Variants in MIPOL1 observed in about 807,000 individuals in gnomAD.
MIPOL1 encodes mirror-image polydactyly 1.
A neutral mutation model predicts 60.9 loss-of-function variants in MIPOL1; 57 were observed. The ratio of observed to expected loss-of-function variants is 0.94; its 90% CI spans 0.76 to 1.17. MIPOL1 has a LOEUF of 1.17. Ranked by LOEUF, MIPOL1 falls within the 50% of genes most tolerant of loss-of-function variation. The pLI is 0.00. For missense variants in MIPOL1, 551 were observed against 511.6 expected, an observed-to-expected ratio of 1.08 and a Z score of -0.74; for synonymous variants, 179 against 168.8, an observed-to-expected ratio of 1.06 and a Z score of -0.47.
At chr14:37,489,936 C>A (rs1223702531) in intron 11 of MIPOL1, among the ~76,000 whole-genome samples, 6 of 152,176 alleles carry the variant, frequency 3.9e-5, no homozygotes, top group African/African-American at 1.2e-4. Flanking sequence ...GGTCAGGGAC[C>A]TACTTGAGGA....
At chr14:37,254,121 T>A (rs1364229900) in intron 3 of MIPOL1, among the ~76,000 whole-genome samples, 1 of 151,776 alleles carries the variant, frequency 6.6e-6, no homozygotes, top group Non-Finnish European at 1.5e-5. Flanking sequence ...CAGCAAGGAT[T>A]GATTCATTTC....
intron 12 of MIPOL1, chr14:37,507,289 T>C (rs1158177045): frequency 6.6e-6 from 1 of 152,194 alleles, no homozygotes; most frequent in Non-Finnish European, 1.5e-5. Flanking sequence ...CATTTTATGA[T>C]AAAGATACAT....
intron 12 of MIPOL1, among the ~76,000 whole-genome samples, chr14:37,543,231 G>A (rs879415334): frequency 2.2e-4 from 34 of 151,900 alleles, no homozygotes; most frequent in Admixed American, 1.8e-3. Flanking sequence ...CTCTAATTCA[G>A]GCCTTCAGCT....
intron 11 of MIPOL1, among the ~76,000 whole-genome samples, chr14:37,431,872 A>G (rs893333771): frequency 2.0e-5 from 3 of 151,924 alleles, no homozygotes; most frequent in Non-Finnish European, 4.4e-5. Flanking sequence ...GGCGTGAGCC[A>G]CTACGCCCGG....
intron 7 of MIPOL1, among the ~76,000 whole-genome samples, chr14:37,307,515 C>A (rs1201538480): frequency 2.0e-5 from 3 of 151,802 alleles, no homozygotes; most frequent in Non-Finnish European, 2.9e-5. Context: ...AAGAAAATAA[C>A]AGTCATCTAA....
intron 12 of MIPOL1, among the ~76,000 whole-genome samples, chr14:37,535,887 C>A (rs1477008842): frequency 1.3e-5 from 2 of 151,884 alleles, no homozygotes; most frequent in African/African-American, 4.8e-5. Context: ...ATTTCTTTTT[C>A]CTTTCCTTTA....
At chr14:37,406,317 C>T (rs2093586627) in intron 10 of MIPOL1, among the ~76,000 whole-genome samples, 1 of 152,006 alleles carries the variant, frequency 6.6e-6, no homozygotes, top group Admixed American at 6.6e-5. Flanking sequence ...TTTTTGCTGG[C>T]AAGACAAGTT....
chr14:37,444,890 A>G (rs1173448166), intron 11 of MIPOL1, among the ~76,000 whole-genome samples: 1 of 152,214 alleles, frequency 6.6e-6, no homozygotes, highest in Non-Finnish European at 1.5e-5. Context: ...TCATGCTAAA[A>G]ACTCTCAATA....
intron 10 of MIPOL1, among the ~76,000 whole-genome samples, chr14:37,383,920 A>T (rs977148052): frequency 6.6e-6 from 1 of 151,886 alleles, no homozygotes; most frequent in Non-Finnish European, 1.5e-5. Flanking sequence ...GATATTTAAC[A>T]TACAAATGAA....
chr14:37,411,026 A>G (rs2093673194), intron 10 of MIPOL1, among the ~76,000 whole-genome samples: 1 of 152,212 alleles, frequency 6.6e-6, no homozygotes, highest in Non-Finnish European at 1.5e-5. Context: ...ATTTAAAAAC[A>G]AAGATTGTTT....
chr14:37,310,739 T>G (rs1281600600), intron 9 of MIPOL1, among the ~76,000 whole-genome samples: 1 of 152,144 alleles, frequency 6.6e-6, no homozygotes, highest in African/African-American at 2.4e-5. Flanking sequence ...CACCCCTGTA[T>G]TTTGGATGAG....
chr14:37,340,062 A>C (rs2090453837), intron 9 of MIPOL1, among the ~76,000 whole-genome samples: 1 of 152,130 alleles, frequency 6.6e-6, no homozygotes, highest in African/African-American at 2.4e-5. Flanking sequence ...TCCCTGTTTA[A>C]TACATTTTTT....
chr14:37,232,296 G>T (rs1200466049), intron 1 of MIPOL1, among the ~76,000 whole-genome samples: 1 of 151,908 alleles, frequency 6.6e-6, no homozygotes, highest in Non-Finnish European at 1.5e-5. Flanking sequence ...TATACATCAG[G>T]GTTTATAAGG....
chr14:37,377,746 CTTTTTTTT>C (rs370238755), intron 10 of MIPOL1, among the ~76,000 whole-genome samples: 2 of 120,956 alleles, frequency 1.7e-5, no homozygotes, highest in East Asian at 2.5e-4. Context: ...ATTTTTATGC[CTTTTTTTT>C]TTTTTTTTTT....
intron 9 of MIPOL1, among the ~76,000 whole-genome samples, chr14:37,362,942 A>G (rs1267840251): frequency 1.3e-5 from 2 of 152,078 alleles, no homozygotes; most frequent in Non-Finnish European, 2.9e-5. Flanking sequence ...TTCTTGTGCC[A>G]TGGTTTTCAG....
chr14:37,336,298 C>T (rs2090110714), intron 9 of MIPOL1, among the ~76,000 whole-genome samples: 1 of 151,048 alleles, frequency 6.6e-6, no homozygotes, highest in Admixed American at 6.6e-5. Context: ...CAATATCACA[C>T]TGTTTTAATT....
chr14:37,431,255 G>T (rs1223205515), intron 11 of MIPOL1, among the ~76,000 whole-genome samples: 2 of 152,084 alleles, frequency 1.3e-5, no homozygotes, highest in Non-Finnish European at 2.9e-5. Context: ...CTCCTACATA[G>T]GTAATCTTTG....
chr14:37,354,993 T>G (rs112227731), intron 9 of MIPOL1, among the ~76,000 whole-genome samples: 105 of 117,112 alleles, frequency 9.0e-4, no homozygotes, highest in South Asian at 2.5e-3. Context: ...ATGCAGTTTC[T>G]TCCTAGTCTT....
intron 9 of MIPOL1, among the ~76,000 whole-genome samples, chr14:37,361,757 A>AC (rs2153485880): frequency 6.7e-6 from 1 of 148,560 alleles, no homozygotes; most frequent in South Asian, 2.1e-4. Flanking sequence ...ACAGGCACCC[A>AC]CCCCCATGCC....
Sources: gnomAD v4.1 joint callset for allele counts (sites outside exome capture counted in the v4.1 genomes callset) on GRCh38, gnomAD v4.1.1 for gene constraint, MANE v1.5 for transcripts, NCBI Gene and HGNC (gene_info 2026-07-23, HGNC 2026-07-21) for gene names.